The following PCDH15 variants were observed in gnomAD, a reference collection of about 807,000 sequenced individuals.
PCDH15 encodes protocadherin related 15, also known as protocadherin-15.
PCDH15 carries 129 observed loss-of-function variants against 178.5 expected under a neutral mutation model. The observed-to-expected ratio is 0.72, with a 90% CI of 0.63 to 0.84. The LOEUF (loss-of-function observed/expected upper bound fraction) is 0.84, where lower values mean the gene tolerates loss of function less well. PCDH15 is among the 40% of genes least tolerant of loss of function. The pLI, the probability that PCDH15 is intolerant of heterozygous loss-of-function variation, is 0.00. For missense variants in PCDH15, 2,230 were observed against 2,099.9 expected (o/e 1.06, Z -1.21); for synonymous variants, 800 against 732.0 (o/e 1.09, Z -1.50).
At chr10:55,100,667 C>A (rs1842556092) in intron 2 of PCDH15, among the ~76,000 whole-genome samples, 1 of 152,002 alleles carries the variant, frequency 6.6e-6, no homozygotes, top group Non-Finnish European at 1.5e-5. Context: ...AGCTCTCATG[C>A]GAACTAATAA....
chr10:54,281,602 C>A (rs2058710626), intron 8 of PCDH15, among the ~76,000 whole-genome samples: 1 of 151,890 alleles, frequency 6.6e-6, no homozygotes, highest in Admixed American at 6.6e-5. Context: ...TTAGGGTATA[C>A]AATGGAAGCA....
chr10:55,021,009 A>C (rs573643246), intron 2 of PCDH15, among the ~76,000 whole-genome samples: 1 of 152,250 alleles, frequency 6.6e-6, no homozygotes, highest in Non-Finnish European at 1.5e-5. Context: ...CAAAATGTTT[A>C]TTTCTCAATA....
intron 2 of PCDH15, among the ~76,000 whole-genome samples, chr10:55,009,332 A>G (rs1347949906): frequency 3.9e-5 from 6 of 152,034 alleles, no homozygotes; most frequent in African/African-American, 1.4e-4. Context: ...ACAGTAATGA[A>G]AAGTTCGAAG....
chr10:55,443,797 G>C (rs1004583025), intron 2 of PCDH15, among the ~76,000 whole-genome samples: 1 of 152,050 alleles, frequency 6.6e-6, no homozygotes, highest in Admixed American at 6.6e-5. Flanking sequence ...TATACCCAAA[G>C]GATTATAAAT....
At chr10:54,490,052 A>G (rs2079440082) in intron 3 of PCDH15, among the ~76,000 whole-genome samples, 1 of 152,218 alleles carries the variant, frequency 6.6e-6, no homozygotes, top group Non-Finnish European at 1.5e-5. Context: ...TGACATGAAC[A>G]CTTTATAATT....
At chr10:55,540,787 C>T (rs1262782757) in intron 2 of PCDH15, among the ~76,000 whole-genome samples, 4 of 151,872 alleles carry the variant, frequency 2.6e-5, no homozygotes, top group Non-Finnish European at 1.5e-5. Flanking sequence ...TATTGCAACT[C>T]CCGAAGTGCA....
intron 2 of PCDH15, among the ~76,000 whole-genome samples, chr10:54,646,884 G>C (rs1308037305): frequency 6.6e-6 from 1 of 151,980 alleles, no homozygotes; most frequent in Admixed American, 6.6e-5. Flanking sequence ...TCCTATACAT[G>C]ATGGGAATAC....
intron 2 of PCDH15, among the ~76,000 whole-genome samples, chr10:55,125,778 G>A (rs1462411471): frequency 6.6e-6 from 1 of 152,062 alleles, no homozygotes; most frequent in Non-Finnish European, 1.5e-5. Context: ...AGAGGCAAGG[G>A]GTTGAATAGC....
chr10:55,083,799 G>A (rs1411190780), intron 2 of PCDH15, among the ~76,000 whole-genome samples: 1 of 151,618 alleles, frequency 6.6e-6, no homozygotes, highest in Non-Finnish European at 1.5e-5. Context: ...AAGAACTCAA[G>A]AAAGTAATCC....
intron 1 of PCDH15, among the ~76,000 whole-genome samples, chr10:54,694,485 A>G (rs2095185541): frequency 6.6e-6 from 1 of 152,158 alleles, no homozygotes; most frequent in South Asian, 2.1e-4. Context: ...CAATTTTTAC[A>G]AATTGAAGTT....
chr10:55,416,401 A>T (rs986526587), intron 2 of PCDH15, among the ~76,000 whole-genome samples: 3 of 151,836 alleles, frequency 2.0e-5, no homozygotes, highest in Non-Finnish European at 2.9e-5. Context: ...AATGTAAATG[A>T]AAGTGTTTTC....
chr10:53,854,737 C>A (rs535487701), intron 28 of PCDH15, among the ~76,000 whole-genome samples: 2 of 152,134 alleles, frequency 1.3e-5, no homozygotes, highest in South Asian at 4.1e-4. Flanking sequence ...TTACCATTCA[C>A]CGAATAGTCA....
chr10:53,905,191 A>C (rs2082589671), intron 25 of PCDH15: 1 of 518,726 alleles, frequency 1.9e-6, no homozygotes. Context: ...TTGTTGTCTC[A>C]CCTGAGTGAC....
intron 3 of PCDH15, among the ~76,000 whole-genome samples, chr10:54,472,604 A>G (rs1005753227): frequency 4.5e-4 from 69 of 152,218 alleles, no homozygotes; most frequent in African/African-American, 1.5e-3. Context: ...CAAGAACGTC[A>G]TGATCTGCAA....
intron 18 of PCDH15, among the ~76,000 whole-genome samples, chr10:54,049,321 T>G (rs1312689856): frequency 6.6e-6 from 1 of 152,132 alleles, no homozygotes; most frequent in Non-Finnish European, 1.5e-5. Context: ...TGAGGAGAGA[T>G]ATTTTGACTT....
chr10:55,085,135 T>G (rs747107247), intron 2 of PCDH15, among the ~76,000 whole-genome samples: 5 of 152,020 alleles, frequency 3.3e-5, no homozygotes, highest in African/African-American at 1.2e-4. Context: ...CCCATGATTA[T>G]TGCAGCACAA....
intron 2 of PCDH15, among the ~76,000 whole-genome samples, chr10:55,054,936 T>C (rs1841259498): frequency 1.3e-5 from 2 of 152,228 alleles, no homozygotes; most frequent in Non-Finnish European, 2.9e-5. Flanking sequence ...GGATGCATAG[T>C]TTGCAAAGCT....
chr10:54,659,238 C>T (rs748175096), intron 2 of PCDH15, among the ~76,000 whole-genome samples: 4 of 152,046 alleles, frequency 2.6e-5, no homozygotes, highest in Non-Finnish European at 4.4e-5. Flanking sequence ...AGAAAACCAA[C>T]AAAGTAACTC....
chr10:55,443,484 A>C (rs1241908309), intron 2 of PCDH15, among the ~76,000 whole-genome samples: 1 of 152,198 alleles, frequency 6.6e-6, no homozygotes. Flanking sequence ...TTATGAACAG[A>C]CACTTCTCAA....
Sources: allele counts gnomAD v4.1 joint callset (sites outside exome capture counted in the v4.1 genomes callset), GRCh38; gene constraint gnomAD v4.1.1; transcripts MANE v1.5; gene names NCBI Gene and HGNC (gene_info 2026-07-23, HGNC 2026-07-21).